The following BMP1 variants were observed in gnomAD, a reference collection of about 807,000 sequenced individuals.
BMP1 encodes mammalian tolloid protein.
Under a neutral mutation model 116.8 loss-of-function variants are expected in BMP1, and 63 were observed. The ratio of observed to expected loss-of-function variants is 0.54; its 90% CI spans 0.44 to 0.67. BMP1 has a LOEUF of 0.67. BMP1 is among the 30% of genes least tolerant of loss of function. BMP1 has a pLI of 0.00. For missense variants in BMP1, 1,183 were observed against 1,358.9 expected, an observed-to-expected ratio of 0.87 and a Z score of 2.04; for synonymous variants, 536 against 533.4, an observed-to-expected ratio of 1.00 and a Z score of -0.07.
At chr8:22,209,117 C>A (rs1829415800) in intron 18 of BMP1, among the ~76,000 whole-genome samples, 1 of 152,212 alleles carries the variant, frequency 6.6e-6, no homozygotes, top group African/African-American at 2.4e-5. Flanking sequence ...GACACTGGGC[C>A]CACATTCTTC....
intron 16 of BMP1, among the ~76,000 whole-genome samples, 183 bp from the exon 17 acceptor site, chr8:22,206,671 G>A (rs1162890075): frequency 6.6e-6 from 1 of 152,106 alleles, no homozygotes; most frequent in Non-Finnish European, 1.5e-5. Flanking sequence ...GAATCGGGCA[G>A]CTAGATTTTC....
chr8:22,211,479 G>T, intron 19 of BMP1, 115 bp from the exon 20 acceptor site: 1 of 1,421,054 alleles, frequency 7.0e-7, no homozygotes, highest in East Asian at 2.3e-5. Flanking sequence ...GGGGCGGGGA[G>T]AATCTGGTGG....
chr8:22,182,602 T>C (rs1489896551), intron 8 of BMP1, among the ~76,000 whole-genome samples: 2 of 152,214 alleles, frequency 1.3e-5, no homozygotes, highest in Non-Finnish European at 2.9e-5. Flanking sequence ...ACAAAACCCC[T>C]TTTAAAAGGA....
In BMP1 at chr8:22,192,118, C is replaced by T. The variant is rs754727375; in HGVS notation, c.1147C>T (p.Arg383Ter). 3 of 1,613,690 alleles carry T rather than the reference C, an allele frequency of 1.9e-6. No homozygotes were observed. Among genetic ancestry groups the T allele is most frequent in the African/African-American group, 2.7e-5 (2 of 74,926 alleles). Residue 383 changes from arginine to a stop codon, truncating the protein, a stop_gained, in exon 9 of 20, where the codon CGA (arginine) becomes TGA (stop). Transcript: ENST00000306385. LOFTEE classifies it high-confidence loss of function. ...GTGCTGGTACGACTATGTGGAGGTC[C>T]GAGATGGCTTCTGGAGGAAGGCGCC... ...RLCWYDYVEV[R>*]DGFWRKAPLR...
chr8:22,173,067 G>A (rs1249624984), intron 1 of BMP1, among the ~76,000 whole-genome samples: 1 of 152,094 alleles, frequency 6.6e-6, no homozygotes, highest in Admixed American at 6.5e-5. Context: ...TGCATATTAT[G>A]GAAGGTTAGC....
intron 1 of BMP1, among the ~76,000 whole-genome samples, chr8:22,172,607 CTTTT>C (rs368585884): frequency 4.2e-4 from 41 of 97,316 alleles, no homozygotes; most frequent in African/African-American, 1.7e-3. Flanking sequence ...TTTATTTCCT[CTTTT>C]TTTTTTTTTT....
In BMP1 at chr8:22,211,871, C is replaced by T; in HGVS notation, c.*143C>T. On this transcript the variant is annotated 3_prime_UTR_variant, in exon 20 of 20. Transcript: ENST00000306385. ...GGGCCAATGGCCTGGTGAGACTGTC[C>T]ATAGGAGGTGGGGGAACTGGACTCC... The T allele has an allele frequency of 2.3e-6, 3 of 1,296,508 alleles. No homozygotes were observed. In the South Asian group the frequency reaches 4.2e-5, roughly 18 times the overall value. 80.3% of individuals were successfully genotyped at this position (1,296,508 alleles called of 1,614,324 possible).
chr8:22,185,971 G>T (rs1337364930), intron 8 of BMP1, among the ~76,000 whole-genome samples: 1 of 152,026 alleles, frequency 6.6e-6, no homozygotes, highest in East Asian at 1.9e-4. Context: ...CAGTAGCTGG[G>T]ATTACAGGCG....
chr8:22,183,838 AG>A (rs1302764910), intron 8 of BMP1, among the ~76,000 whole-genome samples: 1 of 152,090 alleles, frequency 6.6e-6, no homozygotes, highest in Non-Finnish European at 1.5e-5. Flanking sequence ...GGCCTCCCAG[AG>A]TGCTGGGATT....
At position 22,194,384 on chromosome 8, in the gene BMP1, C is replaced by T; in HGVS notation, c.1298-61C>T. 6.2e-7 allele frequency: 1 copy of T among 1,600,328 alleles called. No homozygotes were observed. The highest frequency in any genetic ancestry group is 8.5e-7 in the Non-Finnish European group (1 of 1,171,892). ...ACTGGAGGAGTGGGGAAAAGAGCTC[C>T]CTAGCAGGGCAAAGCATGCTGACTC... On this transcript the variant is annotated intron_variant, in intron 10 of 19. Transcript: ENST00000306385. This position sits in a 1 kb window ranked among gnomAD's most constrained non-coding sequence, Gnocchi z 4.5.
chr8:22,207,825 A>T (rs1363584061), intron 18 of BMP1, among the ~76,000 whole-genome samples: 2 of 152,188 alleles, frequency 1.3e-5, no homozygotes, highest in African/African-American at 4.8e-5. Context: ...CCAGCCACAC[A>T]CCAACCCTGA....
In BMP1 at chr8:22,168,235, AG is replaced by A. The variant is rs1392515471; in HGVS notation, c.148+2683del. Among the ~76,000 whole-genome samples, 4 of 152,098 alleles carry A rather than the reference AG, an allele frequency of 2.6e-5. No individual in the cohort carries two copies. The East Asian group carries it at 7.7e-4, about 29-fold the overall frequency. ...CAGGCTGGTCTGTTTGTGTGCTCAG[AG>A]CTGGTGCCACCAAGCCCTCACTAGC... On this transcript the variant is annotated intron_variant, in intron 1 of 19. Transcript: ENST00000306385.
At chr8:22,176,699 A>G (rs750645595) in intron 4 of BMP1, 49 bp downstream of exon 4, 12 of 1,593,536 alleles carry the variant, frequency 7.5e-6, no homozygotes, top group Middle Eastern at 1.7e-4. Flanking sequence ...GCCCCAACCC[A>G]GGTTCTGCCC....
chr8:22,198,578 G>A (rs1412391421), intron 15 of BMP1: 1 of 155,104 alleles, frequency 6.4e-6, no homozygotes, highest in Non-Finnish European at 1.4e-5. Flanking sequence ...GCTGGAGCAG[G>A]CCCATGGATC....
chr8:22,210,446 C>CTAT (rs1829442577), intron 19 of BMP1, among the ~76,000 whole-genome samples: 1 of 135,656 alleles, frequency 7.4e-6, no homozygotes, highest in African/African-American at 2.9e-5. Context: ...TCTCTCTTTC[C>CTAT]CTCTCTCTCT....
At chr8:22,178,959 C>T (rs1490716523) in intron 6 of BMP1, among the ~76,000 whole-genome samples, 1 of 152,162 alleles carries the variant, frequency 6.6e-6, no homozygotes, top group African/African-American at 2.4e-5. Context: ...GTGGTGAGGT[C>T]ATTCTGCCCC....
Position 22,209,593 on chromosome 8 carries a change from C to T in BMP1, c.2724C>T (p.Thr908=), listed in dbSNP as rs140092629. The T allele has an allele frequency of 1.0e-3, 1,657 of 1,614,210 alleles. 2 individuals carry two copies. The highest frequency in any genetic ancestry group is 1.4e-3 in the Non-Finnish European group (1,595 of 1,180,020). The change falls in exon 19 of 20, where the codon ACC becomes ACT. Residue 908 remains threonine, a synonymous_variant. Coordinates refer to ENST00000306385, the MANE Select transcript of BMP1 (RefSeq NM_006129.5). ...ACGGCGTGGAGCTCGTGTTCCAGAC[C>T]TTTGAGGTGGAGGAGGAGACCGACT... ...EGYGVELVFQ[T]FEVEEETDCG... is the part of the protein sequence containing the mutation.
chr8:22,183,979 G>A (rs1335672223), intron 8 of BMP1, among the ~76,000 whole-genome samples: 1 of 152,202 alleles, frequency 6.6e-6, no homozygotes, highest in African/African-American at 2.4e-5. Flanking sequence ...ACCAGGCTTG[G>A]AAAAATTTAG....
chr8:22,199,056 A>G (rs747539243), intron 15 of BMP1: 2 of 1,359,698 alleles, frequency 1.5e-6, no homozygotes, highest in East Asian at 4.6e-5. Flanking sequence ...ACTCACATCT[A>G]TCAGGCCTGG....
Sources: allele counts gnomAD v4.1 joint callset (sites outside exome capture counted in the v4.1 genomes callset), GRCh38; gene constraint gnomAD v4.1.1; non-coding constraint Gnocchi (gnomAD v3.1); transcripts MANE v1.5; gene names NCBI Gene and HGNC (gene_info 2026-07-23, HGNC 2026-07-21).